THADA: variants seen among roughly 807,000 people sequenced by gnomAD.
THADA encodes tRNA (32-2'-O)-methyltransferase regulator THADA.
THADA carries 213 observed loss-of-function variants against 219.8 expected under a neutral mutation model. That is an observed-to-expected ratio of 0.97 (90% confidence interval 0.87 to 1.09). The LOEUF is 1.09. Among genes scored for constraint, THADA ranks in the 50% least tolerant of loss-of-function variants. The pLI, the probability that THADA is intolerant of heterozygous loss-of-function variation, is 0.00. For synonymous variants in THADA, 1,018 were observed against 828.9 expected (o/e 1.23, Z -3.92); for missense variants, 2,956 against 2,311.3 (o/e 1.28, Z -5.72).
chr2:43,520,235 C>T (rs969928639), intron 22 of THADA, among the ~76,000 whole-genome samples: 1 of 152,158 alleles, frequency 6.6e-6, no homozygotes, highest in Non-Finnish European at 1.5e-5. Context: ...AAGCAGACAG[C>T]CTCTTGTCTG....
At chr2:43,594,973 T>C (rs1363216243) in intron 1 of THADA, among the ~76,000 whole-genome samples, 3 of 152,242 alleles carry the variant, frequency 2.0e-5, no homozygotes, top group Non-Finnish European at 2.9e-5. Context: ...TAAATTTGTA[T>C]ATTGTCTGTC....
chr2:43,535,136 T>C (rs189844207), intron 21 of THADA, among the ~76,000 whole-genome samples: 1 of 151,792 alleles, frequency 6.6e-6, no homozygotes, highest in Admixed American at 6.6e-5. Context: ...GTCATTTCTG[T>C]TTTTGAGAAA....
rs74585459 is a variant in THADA, at chr2:43,496,417, G to A, written c.3744+2416C>T. Among the ~76,000 whole-genome samples the A allele has an allele frequency of 1.9e-3, 291 of 152,198 alleles. 6 individuals carry two copies. In the East Asian group the frequency reaches 0.035, roughly 18 times the overall value. On this transcript the variant is annotated intron_variant, in intron 25 of 37. Transcript: ENST00000405975. ...GTGAACATATTACAAAAGAAAATGCGACTCAGTATTTAACCTCTTCCATTT... is the reference window on the plus strand; with the variant it reads ...GTGAACATATTACAAAAGAAAATGCAACTCAGTATTTAACCTCTTCCATTT...
At chr2:43,344,403 T>A (rs190178568) in intron 29 of THADA, among the ~76,000 whole-genome samples, 166 bp from the exon 30 acceptor site, 2 of 152,336 alleles carry the variant, frequency 1.3e-5, no homozygotes, top group East Asian at 3.9e-4. Flanking sequence ...TTGGAGGATG[T>A]AGCAGTGCCG....
At chr2:43,335,941 C>T (rs999088269) in intron 30 of THADA, among the ~76,000 whole-genome samples, 5 of 151,880 alleles carry the variant, frequency 3.3e-5, no homozygotes, top group Admixed American at 2.6e-4. Context: ...ACTAAAAATA[C>T]AAAACCTTAG....
chr2:43,237,044 C>G (rs1293432486), intron 36 of THADA, among the ~76,000 whole-genome samples: 2 of 144,572 alleles, frequency 1.4e-5, no homozygotes, highest in African/African-American at 5.2e-5. Flanking sequence ...TGCACACCAG[C>G]CTGGGTGATG....
intron 26 of THADA, among the ~76,000 whole-genome samples, chr2:43,447,744 G>A (rs946425495): frequency 6.6e-6 from 1 of 152,092 alleles, no homozygotes; most frequent in African/African-American, 2.4e-5. Context: ...CTTAAGACTA[G>A]TTTTACCTAG....
chr2:43,422,733 G>A lies in THADA; in HGVS notation c.4058+5367C>T, dbSNP rs1039735867. 6.6e-5 allele frequency among the ~76,000 whole-genome samples: 10 copies of A among 151,742 alleles called. No individual in the cohort carries two copies. The East Asian group carries it at 1.9e-3, about 29-fold the overall frequency. On this transcript the variant is annotated intron_variant, in intron 28 of 37. Coordinates refer to ENST00000405975, the MANE Select transcript of THADA (RefSeq NM_022065.5). ...CAATCCAGTCTTTCAAGGCTTTTTT[G>A]GGGGACAGGGTCTCGCTCTGTCACC...
intron 3 of THADA, 33 bp downstream of exon 3, chr2:43,591,919 A>C: frequency 7.1e-7 from 1 of 1,403,386 alleles, no homozygotes; most frequent in South Asian, 1.5e-5. Flanking sequence ...GATACTCTTA[A>C]AGATGCATCC....
chr2:43,418,761 C>T (rs1027509178), intron 28 of THADA, among the ~76,000 whole-genome samples: 1 of 151,858 alleles, frequency 6.6e-6, no homozygotes, highest in African/African-American at 2.4e-5. Flanking sequence ...TGAGAGGCAG[C>T]GGGAGGAAGG....
At position 43,581,804 on chromosome 2, in the gene THADA, C is replaced by T. The variant is rs771706208; in HGVS notation, c.658G>A (p.Asp220Asn). The T allele has an allele frequency of 2.1e-5, 34 of 1,612,728 alleles. No homozygotes were observed. The East Asian group carries it at 2.9e-4, about 14-fold the overall frequency. Residue 220 changes from aspartate (D) to asparagine (N), a missense_variant, in exon 8 of 38, where the codon GAT becomes AAT. Transcript: ENST00000405975. ...CACATATTTTGCCATATGGGAGAAT[C>T]GGAAGTCTTCCAAAGATTTCCCTGG... is the stretch of plus-strand genomic sequence containing the variant. ...DFQGNLWKTS[D>N]SPIWQNMCGL...
chr2:43,300,391 T>C (rs1348972964), intron 31 of THADA, among the ~76,000 whole-genome samples: 2 of 152,156 alleles, frequency 1.3e-5, no homozygotes, highest in Non-Finnish European at 2.9e-5. Flanking sequence ...CTATTATTAT[T>C]ATTATTCCCA....
intron 30 of THADA, among the ~76,000 whole-genome samples, chr2:43,322,952 C>T (rs974417576): frequency 1.3e-5 from 2 of 152,172 alleles, no homozygotes; most frequent in African/African-American, 2.4e-5. Flanking sequence ...TCCCAAAGTG[C>T]TGGGATTACA....
intron 22 of THADA, among the ~76,000 whole-genome samples, chr2:43,514,992 AAT>A (rs1360356071): frequency 3.8e-5 from 2 of 53,316 alleles, no homozygotes; most frequent in Non-Finnish European, 6.2e-5. Flanking sequence ...TTTTATATAT[AAT>A]ATATAATATT....
chr2:43,461,739 T>C (rs997303086), intron 26 of THADA, among the ~76,000 whole-genome samples: 4 of 152,248 alleles, frequency 2.6e-5, no homozygotes, highest in Non-Finnish European at 5.9e-5. Flanking sequence ...ATCTGTGGCA[T>C]GGCCGATCCA....
intron 37 of THADA, among the ~76,000 whole-genome samples, chr2:43,232,297 G>C (rs1425513527): frequency 2.0e-5 from 3 of 151,928 alleles, no homozygotes; most frequent in Non-Finnish European, 2.9e-5. Flanking sequence ...TCCTGCCTCA[G>C]CCTCCCGAGT....
At chr2:43,436,945 A>C (rs1351398250) in intron 26 of THADA, among the ~76,000 whole-genome samples, 1 of 152,240 alleles carries the variant, frequency 6.6e-6, no homozygotes, top group Non-Finnish European at 1.5e-5. Context: ...CAAATGTTTA[A>C]GGAAATACCA....
chr2:43,586,703 A>G lies in THADA; in HGVS notation c.483T>C (p.Asn161=). Residue 161 remains asparagine, a splice_region_variant and synonymous_variant, in exon 6 of 38, where the codon AAT becomes AAC. Coordinates refer to ENST00000405975, the MANE Select transcript of THADA (RefSeq NM_022065.5). ...ACAAAATAAAATAATAGGACTTACC[A>G]TTTTTAAGCAGATTATTAACACTTG... ...GRASVNNLLK[N]VLHFLQKSLI... is the part of the protein sequence containing the mutation. 1 of 1,611,278 alleles carries G rather than the reference A, an allele frequency of 6.2e-7. No individual in the cohort carries two copies. The highest frequency in any genetic ancestry group is 2.2e-5 in the East Asian group (1 of 44,828).
chr2:43,549,103 T>A (rs1696440165), intron 20 of THADA, 107 bp downstream of exon 20: 5 of 994,574 alleles, frequency 5.0e-6, no homozygotes, highest in Non-Finnish European at 6.9e-6. Context: ...TTTCTAGAAA[T>A]GTTCTGCACA....
Sources: allele counts gnomAD v4.1 joint callset (sites outside exome capture counted in the v4.1 genomes callset), GRCh38; gene constraint gnomAD v4.1.1; transcripts MANE v1.5; gene names NCBI Gene and HGNC (gene_info 2026-07-23, HGNC 2026-07-21).